PTCD1: variants seen among roughly 807,000 people sequenced by gnomAD.
PTCD1 encodes the protein pentatricopeptide repeat domain 1.
PTCD1 carries 50 observed loss-of-function variants against 53.4 expected under a neutral mutation model. The observed-to-expected ratio is 0.94, with a 90% confidence interval of 0.75 to 1.19. The LOEUF is 1.19. PTCD1 is among the 50% of genes most tolerant of loss of function. PTCD1 has a pLI of 0.00. For missense variants in PTCD1, 918 were observed against 904.8 expected (o/e 1.01, Z -0.19); for synonymous variants, 413 against 394.8 (o/e 1.05, Z -0.55).
intron 7 of PTCD1, 70 bp from the exon 8 acceptor site, chr7:99,420,219 CTCAGGCCTCAGGGAAGCTGGT>C: frequency 6.2e-7 from 1 of 1,604,460 alleles, no homozygotes; most frequent in Non-Finnish European, 8.5e-7. Context: ...CGGCAGCTGG[CTCAGGCCTCAGGGAAGCTGGT>C]GGCTGCCATT....
In PTCD1 at chr7:99,417,485, T is replaced by A; in HGVS notation, c.*2482A>T. 2 of 1,610,924 alleles carry A rather than the reference T, an allele frequency of 1.2e-6. No homozygotes were observed. The highest frequency in any genetic ancestry group is 1.7e-6 in the Non-Finnish European group (2 of 1,178,682). On this transcript the variant is annotated 3_prime_UTR_variant, in exon 8 of 8. Transcript: ENST00000292478. ...TGCAGACAAAAACCTGATTGCAAAA[T>A]GGAAAAAGCAAGGATATGAGAACTT...
intron 3 of PTCD1, 72 bp downstream of exon 3, chr7:99,433,206 G>C (rs1796330834): frequency 1.2e-6 from 2 of 1,611,222 alleles, no homozygotes; most frequent in South Asian, 1.1e-5. Context: ...TAAAGCACTA[G>C]CAAGTGGCAC....
In PTCD1 at chr7:99,429,721, G is replaced by C. The variant is rs1255667667; in HGVS notation, c.680C>G (p.Ala227Gly). 1 of 1,614,124 alleles carries C rather than the reference G, an allele frequency of 6.2e-7. No homozygotes were observed. Among genetic ancestry groups the C allele is most frequent in the Non-Finnish European group, 8.5e-7 (1 of 1,180,046 alleles). The change falls in exon 4 of 8, where the codon GCT becomes GGT. Residue 227 changes from alanine to glycine, a missense_variant. Ala to Gly is a moderately conservative substitution (Grantham distance 60, BLOSUM62 0). Transcript: ENST00000292478. ...VCAESPWKDS[A>G]LQSALKLRQQ... ...CCGGAGCTTCAGGGCGCTCTGTAGA[G>C]CTGAGTCCTTCCAGGGGGACTCGGC...
At chr7:99,428,878 T>G (rs1335639179) in intron 5 of PTCD1, among the ~76,000 whole-genome samples, 1 of 135,998 alleles carries the variant, frequency 7.4e-6, no homozygotes, top group Non-Finnish European at 1.6e-5. Context: ...CTAAGCCGAC[T>G]GCAAAGCAGG....
chr7:99,425,695 A>G (rs1795986921), intron 5 of PTCD1, 79 bp from the exon 6 acceptor site: 2 of 1,523,510 alleles, frequency 1.3e-6, no homozygotes, highest in African/African-American at 1.4e-5. Flanking sequence ...GAATCCCAGC[A>G]CCTTGGGAGT....
At chr7:99,431,061 C>G (rs1346842036) in intron 3 of PTCD1, among the ~76,000 whole-genome samples, 1 of 151,452 alleles carries the variant, frequency 6.6e-6, no homozygotes, top group Admixed American at 6.6e-5. Context: ...GGTGACAGAG[C>G]CAAAACTCCC....
intron 1 of PTCD1, among the ~76,000 whole-genome samples, chr7:99,436,102 T>C (rs947085322): frequency 6.6e-5 from 10 of 152,038 alleles, no homozygotes; most frequent in African/African-American, 2.2e-4. Context: ...TGAGCCACTA[T>C]GCCTGGCTAA....
At chr7:99,427,202 C>T (rs1189304044) in intron 5 of PTCD1, among the ~76,000 whole-genome samples, 1 of 144,328 alleles carries the variant, frequency 6.9e-6, no homozygotes, top group Non-Finnish European at 1.5e-5. Context: ...CCCTGCCCGG[C>T]CAGCCGCCCC....
intron 5 of PTCD1, 85 bp downstream of exon 5, chr7:99,429,018 G>T: frequency 6.8e-7 from 1 of 1,460,438 alleles, no homozygotes; most frequent in Non-Finnish European, 9.6e-7. Context: ...TCAGCACAGG[G>T]CCATCGTGGG....
rs541325191 is a variant in PTCD1, at chr7:99,433,880, C to T, written c.454-462G>A. 5.9e-5 allele frequency among the ~76,000 whole-genome samples: 9 copies of T among 151,834 alleles called. No homozygotes were observed. The East Asian group carries it at 1.6e-3, about 26-fold the overall frequency. On this transcript the variant is annotated intron_variant, in intron 2 of 7. Coordinates refer to ENST00000292478, the MANE Select transcript of PTCD1 (RefSeq NM_015545.4). ...CAGCCTGGCCAACATGGTGAAACCC[C>T]GTCTCTACTAAAAATACAAAAATTA...
At chr7:99,427,134 G>A (rs1158117542) in intron 5 of PTCD1, among the ~76,000 whole-genome samples, 1 of 150,072 alleles carries the variant, frequency 6.7e-6, no homozygotes, top group East Asian at 2.0e-4. Context: ...GGGAGGTGGG[G>A]GTCAGCCCCC....
chr7:99,429,880 G>A, intron 3 of PTCD1, 74 bp from the exon 4 acceptor site: 2 of 1,577,302 alleles, frequency 1.3e-6, no homozygotes, highest in African/African-American at 1.3e-5. Flanking sequence ...CCCCAGAGGA[G>A]GCTGAGGCTG....
At position 99,424,696 on chromosome 7, in the gene PTCD1, C is replaced by A. The variant is rs184010281; in HGVS notation, c.1737+99G>T. 100 of 1,479,816 alleles carry A rather than the reference C, an allele frequency of 6.8e-5. No homozygotes were observed. In the East Asian group the frequency reaches 2.2e-3, roughly 33 times the overall value. 91.7% of individuals were successfully genotyped at this position (1,479,816 alleles called of 1,614,324 possible). Reference sequence around the variant, plus strand: ...CTTTGCCCCATGCACAGTTCATCCTCTCCAGGTGGGGGGTCTGCAGACCCC... The same window carrying A: ...CTTTGCCCCATGCACAGTTCATCCTATCCAGGTGGGGGGTCTGCAGACCCC... On this transcript the variant is annotated intron_variant, in intron 6 of 7. Coordinates refer to ENST00000292478, the MANE Select transcript of PTCD1 (RefSeq NM_015545.4).
At chr7:99,420,242 G>A in intron 7 of PTCD1, 93 bp from the exon 8 acceptor site, 1 of 1,574,260 alleles carries the variant, frequency 6.4e-7, no homozygotes, top group Non-Finnish European at 8.7e-7. Flanking sequence ...GAAGCTGGTG[G>A]CTGCCATTTT....
Position 99,432,980 on chromosome 7 carries a change from T to G in PTCD1, c.594+298A>C, listed in dbSNP as rs1427893722. The stretch of plus-strand genomic sequence containing the variant: ...AGGAGGAACTCTTGAGCCAAGGAGT[T>G]GGAGGCTGCAGTGAGCTATGACTGC... On this transcript the variant is annotated intron_variant, in intron 3 of 7. Transcript: ENST00000292478. The G allele has an allele frequency of 3.4e-5, 16 of 476,028 alleles. No individual in the cohort carries two copies. The East Asian group carries it at 5.8e-4, about 17-fold the overall frequency. 29.5% of individuals were successfully genotyped at this position (476,028 alleles called of 1,614,324 possible).
chr7:99,418,044 T>G lies in PTCD1; in HGVS notation c.*1923A>C. On this transcript the variant is annotated 3_prime_UTR_variant, in exon 8 of 8. Coordinates refer to ENST00000292478, the MANE Select transcript of PTCD1 (RefSeq NM_015545.4). ...GTGCAGTGATGCCATCTTGGCTCAC[T>G]GCAACCTCCACCTCCCGGGTTCAAG... 9.3e-7 allele frequency: 1 copy of G among 1,071,300 alleles called. No homozygotes were observed. Among genetic ancestry groups the G allele is most frequent in the South Asian group, 2.1e-5 (1 of 47,026 alleles). The allele number at this position is 1,071,300 out of a possible 1,614,324, so 66.4% of individuals were successfully genotyped here.
intron 1 of PTCD1, among the ~76,000 whole-genome samples, chr7:99,436,552 T>A (rs1584470151): frequency 6.6e-6 from 1 of 151,792 alleles, no homozygotes; most frequent in Non-Finnish European, 1.5e-5. Flanking sequence ...GAGGCAGAGG[T>A]TGCAGTGAGC....
intron 5 of PTCD1, 96 bp downstream of exon 5, chr7:99,429,007 C>T: frequency 7.1e-7 from 1 of 1,406,312 alleles, no homozygotes; most frequent in East Asian, 2.3e-5. Context: ...TATAAAAATA[C>T]TCAGCACAGG....
In PTCD1 at chr7:99,438,735, G is replaced by T. The variant is rs898788078; in HGVS notation, c.-70C>A. On this transcript the variant is annotated 5_prime_UTR_variant, in exon 1 of 8. Transcript: ENST00000292478. Reference sequence around the variant, plus strand: ...TGCACTCCGACGGGGAGCCCTGCCCGGTCCCCGCGGCGAACCAGTCTCTTC... The same window carrying T: ...TGCACTCCGACGGGGAGCCCTGCCCTGTCCCCGCGGCGAACCAGTCTCTTC... The T allele has an allele frequency of 7.6e-6, 10 of 1,307,316 alleles. No individual in the cohort carries two copies. In the African/African-American group the frequency reaches 1.4e-4, roughly 18 times the overall value. 81.0% of individuals were successfully genotyped at this position (1,307,316 alleles called of 1,614,324 possible).
Sources: allele counts gnomAD v4.1 joint callset (sites outside exome capture counted in the v4.1 genomes callset), GRCh38; gene constraint gnomAD v4.1.1; transcripts MANE v1.5; gene names NCBI Gene and HGNC (gene_info 2026-07-23, HGNC 2026-07-21).